Variants in XCL1 observed in about 807,000 individuals in gnomAD.
XCL1 encodes X-C motif chemokine ligand 1, also known as lymphotactin.
Under a neutral mutation model 7.4 loss-of-function variants are expected in XCL1, and 6 were observed. The ratio of observed to expected loss-of-function variants is 0.82; its 90% confidence interval spans 0.45 to 1.61. The LOEUF (loss-of-function observed/expected upper bound fraction) is 1.61. Ranked by LOEUF, XCL1 falls within the 40% of genes most tolerant of loss-of-function variation. The probability of loss-of-function intolerance (pLI) is 0.01; values close to 1 mark genes in which losing one functional copy is unlikely to be tolerated. For synonymous variants in XCL1, 48 were observed against 52.4 expected (o/e 0.92, Z 0.36); for missense variants, 122 against 138.2 (o/e 0.88, Z 0.59).
rs11585783 is a variant in XCL1 at position 168,579,722 on chromosome 1, C to T, written c.62-341C>T. Among the ~76,000 whole-genome samples, 132 of 152,204 alleles carry T rather than the reference C, an allele frequency of 8.7e-4. 2 individuals are homozygous for T. Among genetic ancestry groups the T allele is most frequent in the Admixed American group, 4.7e-3 (72 of 15,286 alleles). The stretch of plus-strand genomic sequence containing the variant: ...TAAAACATGTGGGACACAACAGGCA[C>T]CATTGTATAAATGAATGAATGCGTG... On this transcript the variant is annotated intron_variant, in intron 1 of 2. Transcript: ENST00000367818.
intron 1 of XCL1, among the ~76,000 whole-genome samples, chr1:168,577,475 C>A (rs1187550888): frequency 1.3e-5 from 2 of 152,046 alleles, no homozygotes; most frequent in African/African-American, 2.4e-5. Flanking sequence ...TATACCGAGC[C>A]CTTACCTGAG....
At chr1:168,580,951 A>G in intron 2 of XCL1, 101 bp from the exon 3 acceptor site, 1 of 1,459,470 alleles carries the variant, frequency 6.9e-7, no homozygotes, top group Non-Finnish European at 9.2e-7. Context: ...TCTTGCAGTA[A>G]TTTCTGCACA....
chr1:168,576,622 C>G lies in XCL1; in HGVS notation c.-16C>G. 1 of 1,613,320 alleles carries G rather than the reference C, an allele frequency of 6.2e-7. No homozygotes were observed. Among genetic ancestry groups the G allele is most frequent in the Non-Finnish European group, 8.5e-7 (1 of 1,179,552 alleles). On this transcript the variant is annotated 5_prime_UTR_variant, in exon 1 of 3. Coordinates refer to ENST00000367818, the MANE Select transcript of XCL1 (RefSeq NM_002995.3). ...CGATCCTCACTCTCCTTGCACAGCTCAGCAGGACCTCAGCCATGAGACTTC... is the reference window on the plus strand; with the variant it reads ...CGATCCTCACTCTCCTTGCACAGCTGAGCAGGACCTCAGCCATGAGACTTC...
At chr1:168,577,556 C>G (rs566657573) in intron 1 of XCL1, among the ~76,000 whole-genome samples, 1 of 152,194 alleles carries the variant, frequency 6.6e-6, no homozygotes, top group Non-Finnish European at 1.5e-5. Flanking sequence ...TATTTGTGTT[C>G]TAGTTGGTAG....
chr1:168,580,980 C>T, intron 2 of XCL1, 72 bp from the exon 3 acceptor site: 2 of 1,570,646 alleles, frequency 1.3e-6, no homozygotes, highest in South Asian at 2.4e-5. Flanking sequence ...TCATGTCTGC[C>T]CTGATCTTAA....
Position 168,581,077 on chromosome 1 carries a change from G to A in XCL1, c.202G>A (p.Val68Ile), listed in dbSNP as rs186893102. Reference protein sequence around the residue: ...VIFITKRGLKVCADPQATWVR... With the variant: ...VIFITKRGLKICADPQATWVR... ...TTTTATTACCAAACGTGGCCTAAAA[G>A]TCTGTGCTGATCCACAAGCCACATG... The change falls in exon 3 of 3, where the codon GTC (valine) becomes ATC (isoleucine). Residue 68 changes from valine to isoleucine, a missense_variant. Transcript: ENST00000367818. The A allele has an allele frequency of 7.4e-6, 12 of 1,613,780 alleles. No individual in the cohort carries two copies. The African/African-American group carries it at 1.5e-4, about 20-fold the overall frequency.
chr1:168,578,923 C>T, intron 1 of XCL1: 1 of 371,262 alleles, frequency 2.7e-6, no homozygotes, highest in Non-Finnish European at 5.2e-6. Context: ...GGACACAGGA[C>T]AGACAGAAAG....
Position 168,576,645 on chromosome 1 carries a change from T to G in XCL1, c.8T>G (p.Leu3Arg). The change falls in exon 1 of 3, where the codon CTT (leucine) becomes CGT (arginine). Residue 3 changes from leucine to arginine, a missense_variant. Coordinates refer to ENST00000367818, the MANE Select transcript of XCL1 (RefSeq NM_002995.3). Reference protein sequence around the residue: MRLLILALLGICS... With the variant: MRRLILALLGICS... ...CTCAGCAGGACCTCAGCCATGAGAC[T>G]TCTCATCCTGGCCCTCCTTGGCATC... 1 of 1,613,732 alleles carries G rather than the reference T, an allele frequency of 6.2e-7. No homozygotes were observed. The highest frequency in any genetic ancestry group is 8.5e-7 in the Non-Finnish European group (1 of 1,179,792).
Position 168,581,382 on chromosome 1 carries a change from A to G in XCL1, c.*162A>G. ...CTTCTGTATTCACTTATATGTTCTA[A>G]TTAATAAATTATTTATTATTAAGAA... On this transcript the variant is annotated 3_prime_UTR_variant, in exon 3 of 3. Transcript: ENST00000367818. 1 of 771,546 alleles carries G rather than the reference A, an allele frequency of 1.3e-6. No homozygotes were observed. The highest frequency in any genetic ancestry group is 1.9e-6 in the Non-Finnish European group (1 of 529,234). The allele number at this position is 771,546 out of a possible 1,614,324, so 47.8% of individuals were successfully genotyped here.
rs769947430 is a variant in XCL1, at chr1:168,581,012, G to T, written c.177-40G>T. On this transcript the variant is annotated intron_variant, in intron 2 of 2. Coordinates refer to ENST00000367818, the MANE Select transcript of XCL1 (RefSeq NM_002995.3). ...TTAACTCCTGACCCTGAGGCTTTGA[G>T]AATGTGGCTAACTTCGTCTGTCTTT... The T allele has an allele frequency of 3.1e-6, 5 of 1,606,164 alleles. No homozygotes were observed. In the East Asian group the frequency reaches 1.1e-4, roughly 36 times the overall value.
chr1:168,580,994 C>A, intron 2 of XCL1, 58 bp from the exon 3 acceptor site: 1 of 1,593,236 alleles, frequency 6.3e-7, no homozygotes, highest in South Asian at 1.1e-5. Context: ...ATCTTAACTC[C>A]TGACCCTGAG....
intron 1 of XCL1, among the ~76,000 whole-genome samples, chr1:168,578,223 G>T (rs1398632133): frequency 1.3e-4 from 20 of 152,200 alleles, no homozygotes; most frequent in Non-Finnish European, 1.5e-5. Flanking sequence ...TGAGAGTGAA[G>T]AAATGATGAA....
intron 1 of XCL1, chr1:168,578,982 T>C (rs1655090363): frequency 5.0e-6 from 2 of 399,480 alleles, no homozygotes; most frequent in Admixed American, 6.1e-5. Flanking sequence ...AGCTGAGCCT[T>C]CTTCTTTTCC....
rs578197284 is a variant in XCL1, at chr1:168,581,774, G to T, written c.*554G>T. 2.0e-5 allele frequency: 3 copies of T among 151,774 alleles called. No individual in the cohort carries two copies. The South Asian group carries it at 6.2e-4, about 32-fold the overall frequency. The allele number at this position is 151,774 out of a possible 1,614,324, so 9.4% of individuals were successfully genotyped here. A position where few individuals can be genotyped will look rare whatever the true frequency, so the allele number is the denominator to read the frequency against. ...TTTTCACCTCTTTGTGTTTTATTTTGGTGTCCTATTAAAGGAATAAAATGA... is the reference window on the plus strand; with the variant it reads ...TTTTCACCTCTTTGTGTTTTATTTTTGTGTCCTATTAAAGGAATAAAATGA... On this transcript the variant is annotated 3_prime_UTR_variant, in exon 3 of 3. Transcript: ENST00000367818.
In XCL1 at chr1:168,581,959, G is replaced by A. The variant is rs922699005; in HGVS notation, c.*739G>A. The A allele has an allele frequency of 6.6e-6, 1 of 152,146 alleles. No homozygotes were observed. The highest frequency in any genetic ancestry group is 1.5e-5 in the Non-Finnish European group (1 of 68,028). 9.4% of individuals were successfully genotyped at this position (152,146 alleles called of 1,614,324 possible). ...TTACGCTAGTTATCATGCATGTTATGCTTTACTGCGAATAAGCTTTTAATG... is the reference window on the plus strand; with the variant it reads ...TTACGCTAGTTATCATGCATGTTATACTTTACTGCGAATAAGCTTTTAATG... On this transcript the variant is annotated 3_prime_UTR_variant, in exon 3 of 3. Coordinates refer to ENST00000367818, the MANE Select transcript of XCL1 (RefSeq NM_002995.3).
chr1:168,578,474 C>T (rs1160428427), intron 1 of XCL1, among the ~76,000 whole-genome samples: 1 of 152,130 alleles, frequency 6.6e-6, no homozygotes, highest in Non-Finnish European at 1.5e-5. Flanking sequence ...GTTATTTTTC[C>T]TCTTGCAATG....
At chr1:168,580,423 A>G (rs1401527030) in intron 2 of XCL1, among the ~76,000 whole-genome samples, 1 of 152,218 alleles carries the variant, frequency 6.6e-6, no homozygotes, top group African/African-American at 2.4e-5. Flanking sequence ...TTAGTGGAAG[A>G]GTCTGTTGAA....
chr1:168,580,440 G>A (rs115671037), intron 2 of XCL1, among the ~76,000 whole-genome samples: 1,567 of 152,304 alleles, frequency 0.01, 22 homozygotes, highest in African/African-American at 0.036. Flanking sequence ...TGAATACTGT[G>A]CACAGCTCTG....
At chr1:168,580,683 A>T (rs1269992672) in intron 2 of XCL1, among the ~76,000 whole-genome samples, 3 of 152,246 alleles carry the variant, frequency 2.0e-5, no homozygotes, top group African/African-American at 7.2e-5. Flanking sequence ...TAAAAAATGA[A>T]AATGTAAAAA....
Sources: gnomAD v4.1 joint callset for allele counts (sites outside exome capture counted in the v4.1 genomes callset) on GRCh38, gnomAD v4.1.1 for gene constraint, MANE v1.5 for transcripts, NCBI Gene and HGNC (gene_info 2026-07-23, HGNC 2026-07-21) for gene names.